Variants in TMEM164 observed in about 807,000 individuals in gnomAD.
The protein encoded by TMEM164 is RP13-360B22.2.
TMEM164 carries 4 observed loss-of-function variants against 18.8 expected under a neutral mutation model. The observed-to-expected ratio is 0.21, with a 90% confidence interval of 0.10 to 0.49. The LOEUF (loss-of-function observed/expected upper bound fraction) is 0.49, where lower values mean the gene tolerates loss of function less well. TMEM164 is among the 20% of genes least tolerant of loss of function. TMEM164 has a pLI of 0.98. For synonymous variants in TMEM164, 86 were observed against 101.7 expected, an observed-to-expected ratio of 0.85 and a Z score of 0.93; for missense variants, 108 against 239.9, an observed-to-expected ratio of 0.45 and a Z score of 3.63.
Position 110,175,611 on chromosome X carries a change from C to A in TMEM164, c.*2160C>A. On this transcript the variant is annotated 3_prime_UTR_variant, in exon 7 of 7. Transcript: ENST00000372068. Reference sequence around the variant, plus strand: ...TGGTGCTTGGAAGGAGAGAAGAAAGCAAAAGCCACATGCCTGGCATGGCCA... The same window carrying A: ...TGGTGCTTGGAAGGAGAGAAGAAAGAAAAAGCCACATGCCTGGCATGGCCA... 1 of 412,435 alleles carries A rather than the reference C, an allele frequency of 2.4e-6. No individual in the cohort carries two copies. The highest frequency in any genetic ancestry group is 3.1e-6 in the Non-Finnish European group (1 of 326,893). 34.0% of individuals were successfully genotyped at this position (412,435 alleles called of 1,213,427 possible).
At chrX:110,094,771 C>T (rs1372878922) in intron 3 of TMEM164, among the ~76,000 whole-genome samples, 3 of 111,960 alleles carry the variant, frequency 2.7e-5, no homozygotes, top group African/African-American at 9.8e-5. Flanking sequence ...TTCTTCCTAG[C>T]ATCAAAGGTC....
intron 2 of TMEM164, among the ~76,000 whole-genome samples, chrX:110,055,794 G>A (rs769597364): frequency 2.1e-4 from 23 of 110,771 alleles, no homozygotes; most frequent in Non-Finnish European, 2.8e-4. Flanking sequence ...AAGGAATAGC[G>A]AGAAGAAAGA....
At chrX:110,053,869 G>A (rs780123960) in intron 2 of TMEM164, among the ~76,000 whole-genome samples, 7 of 112,136 alleles carry the variant, frequency 6.2e-5, no homozygotes, top group South Asian at 3.7e-4. Flanking sequence ...TAACTACACC[G>A]TCTTCCCTTC....
chrX:110,075,039 T>C (rs189663264), intron 3 of TMEM164, among the ~76,000 whole-genome samples: 45 of 112,231 alleles, frequency 4.0e-4, no homozygotes, highest in African/African-American at 1.4e-3. Context: ...ATCTGTAGAT[T>C]GCTTCGGGTA....
At chrX:110,179,591 C>T (rs747984527), downstream of TMEM164, among the ~76,000 whole-genome samples, 1 of 112,289 alleles carries the variant, frequency 8.9e-6, no homozygotes, top group Non-Finnish European at 1.9e-5. Flanking sequence ...TTCCCACTCT[C>T]CCGTTTCATC....
At chrX:110,041,224 G>C (rs1367526834) in intron 2 of TMEM164, among the ~76,000 whole-genome samples, 6 of 111,746 alleles carry the variant, frequency 5.4e-5, no homozygotes, top group African/African-American at 1.6e-4. Context: ...ATCTCCAATA[G>C]TCAGAGGTAG....
Position 110,176,440 on chromosome X carries a change from G to A in TMEM164, c.*2989G>A. The A allele has an allele frequency of 1.3e-6, 1 of 754,282 alleles. No homozygotes were observed. Among genetic ancestry groups the A allele is most frequent in the South Asian group, 6.7e-5 (1 of 14,823 alleles). The allele number at this position is 754,282 out of a possible 1,213,427, so 62.2% of individuals were successfully genotyped here. On this transcript the variant is annotated 3_prime_UTR_variant, in exon 7 of 7. Transcript: ENST00000372068. The stretch of plus-strand genomic sequence containing the variant: ...GAAGCCACAGACTCAGTCTCCCCAA[G>A]TCAGCAATCTCTTTCTCTCTCTCTC...
At chrX:110,061,799 G>A (rs1007940381) in intron 2 of TMEM164, among the ~76,000 whole-genome samples, 2 of 111,479 alleles carry the variant, frequency 1.8e-5, no homozygotes, top group Non-Finnish European at 3.8e-5. Flanking sequence ...CAGAATGGGC[G>A]TTTAACCGTG....
chrX:110,126,809 C>T (rs1398209873), intron 4 of TMEM164, among the ~76,000 whole-genome samples: 1 of 70,057 alleles, frequency 1.4e-5, no homozygotes, highest in Admixed American at 1.7e-4. Flanking sequence ...CTGGGCCACT[C>T]CTGTGTGTGT....
At chrX:110,117,102 A>G (rs2066380294) in intron 4 of TMEM164, among the ~76,000 whole-genome samples, 1 of 111,385 alleles carries the variant, frequency 9.0e-6, no homozygotes, top group Admixed American at 9.6e-5. Flanking sequence ...TTAGTCTTTG[A>G]TCCTCACCAA....
At chrX:110,125,549 G>A (rs2066516994) in intron 4 of TMEM164, among the ~76,000 whole-genome samples, 1 of 111,817 alleles carries the variant, frequency 8.9e-6, no homozygotes, top group South Asian at 3.7e-4. Flanking sequence ...AAGGGGCACT[G>A]CAATCAAAGG....
At chrX:110,084,475 T>G (rs1361866908) in intron 3 of TMEM164, among the ~76,000 whole-genome samples, 2 of 33,943 alleles carry the variant, frequency 5.9e-5, no homozygotes, top group African/African-American at 2.2e-4. Context: ...TATATATATA[T>G]ATAGAGAGAG....
chrX:110,067,461 C>T (rs2065519720), intron 3 of TMEM164, 65 bp downstream of exon 3: 2 of 1,024,978 alleles, frequency 2.0e-6, no homozygotes, highest in Non-Finnish European at 2.8e-6. Context: ...GCTAACAAGA[C>T]TGATAACACA....
chrX:110,171,938 T>A (rs774026022), intron 6 of TMEM164, among the ~76,000 whole-genome samples: 1 of 112,303 alleles, frequency 8.9e-6, no homozygotes, highest in South Asian at 3.7e-4. Context: ...CTGAGCTTCA[T>A]GGCCAGTGAA....
intron 2 of TMEM164, among the ~76,000 whole-genome samples, chrX:110,009,297 C>A (rs186106666): frequency 3.6e-5 from 4 of 112,122 alleles, no homozygotes; most frequent in African/African-American, 1.3e-4. Context: ...GAAGATTCTC[C>A]TCTACGAAAC....
chrX:110,050,407 C>T (rs1384042324), intron 2 of TMEM164, among the ~76,000 whole-genome samples: 2 of 111,881 alleles, frequency 1.8e-5, no homozygotes, highest in African/African-American at 6.5e-5. Context: ...GGCCCTTTTT[C>T]CTTTTTTCTT....
intron 4 of TMEM164, among the ~76,000 whole-genome samples, chrX:110,124,889 T>C (rs979061525): frequency 5.3e-5 from 6 of 112,307 alleles, no homozygotes; most frequent in Admixed American, 1.9e-4. Flanking sequence ...TAATTTTAAC[T>C]GTAAGTATTT....
At chrX:110,134,878 T>C (rs1020785062) in intron 4 of TMEM164, among the ~76,000 whole-genome samples, 1 of 111,143 alleles carries the variant, frequency 9.0e-6, no homozygotes, top group African/African-American at 3.3e-5. Context: ...AATAATTTAA[T>C]GCATCCTCTT....
chrX:110,005,125 G>T (rs1932616074), intron 2 of TMEM164, among the ~76,000 whole-genome samples: 1 of 112,093 alleles, frequency 8.9e-6, no homozygotes, highest in East Asian at 2.8e-4. Context: ...GGAAAACCGG[G>T]TGTGTTTTAT....
Sources: allele counts gnomAD v4.1 joint callset (sites outside exome capture counted in the v4.1 genomes callset), GRCh38; gene constraint gnomAD v4.1.1; transcripts MANE v1.5; gene names NCBI Gene and HGNC (gene_info 2026-07-23, HGNC 2026-07-21).